Variants in ACACB observed in about 807,000 individuals in gnomAD.
ACACB encodes the protein acetyl-CoA carboxylase 2.
Under a neutral mutation model 278.8 loss-of-function variants are expected in ACACB, and 209 were observed. The observed-to-expected ratio is 0.75, with a 90% CI of 0.67 to 0.84. ACACB has a LOEUF of 0.84. Ranked by LOEUF, ACACB falls within the 40% of genes least tolerant of loss-of-function variation. ACACB has a pLI of 0.00. For missense variants in ACACB, 2,850 were observed against 3,269.0 expected, an observed-to-expected ratio of 0.87 and a Z score of 3.13; for synonymous variants, 1,174 against 1,285.6, an observed-to-expected ratio of 0.91 and a Z score of 1.86.
intron 15 of ACACB, 132 bp downstream of exon 15, chr12:109,192,082 C>G: frequency 1.1e-6 from 1 of 939,664 alleles, no homozygotes; most frequent in Non-Finnish European, 1.6e-6. Context: ...GGTCTTGCCT[C>G]TGGGAAATTC....
At chr12:109,257,737 G>A (rs912156573) in intron 45 of ACACB, among the ~76,000 whole-genome samples, 2 of 152,078 alleles carry the variant, frequency 1.3e-5, no homozygotes, top group African/African-American at 4.8e-5. Context: ...CACCTAGCCA[G>A]TTTTTTTATT....
chr12:109,151,843 G>T (rs2043383948), intron 2 of ACACB, among the ~76,000 whole-genome samples: 1 of 152,198 alleles, frequency 6.6e-6, no homozygotes, highest in African/African-American at 2.4e-5. Context: ...GTATAAAGGT[G>T]GTGTTGTGCT....
intron 34 of ACACB, among the ~76,000 whole-genome samples, chr12:109,238,085 A>G (rs1196850049): frequency 6.6e-6 from 1 of 151,084 alleles, no homozygotes; most frequent in African/African-American, 2.4e-5. Context: ...AATAAGACTG[A>G]AAACGATTTT....
chr12:109,239,738 C>T (rs2046739866), intron 34 of ACACB, 92 bp from the exon 35 acceptor site: 1 of 1,389,616 alleles, frequency 7.2e-7, no homozygotes, highest in African/African-American at 1.5e-5. Flanking sequence ...TGTTTTCCTC[C>T]TGTCTCTGCC....
intron 16 of ACACB, among the ~76,000 whole-genome samples, chr12:109,196,791 C>G (rs1218455347): frequency 2.0e-5 from 3 of 152,170 alleles, no homozygotes; most frequent in African/African-American, 7.2e-5. Flanking sequence ...ATTAGCCTAC[C>G]CACAGGGCAG....
chr12:109,210,325 A>G (rs142461472), intron 21 of ACACB, among the ~76,000 whole-genome samples: 6,514 of 33,928 alleles, frequency 0.19, 963 homozygotes, highest in East Asian at 0.32. Flanking sequence ...ATATCTGTGT[A>G]TATATGTATA....
intron 2 of ACACB, among the ~76,000 whole-genome samples, chr12:109,146,795 C>T (rs2043253770): frequency 6.6e-6 from 1 of 152,144 alleles, no homozygotes; most frequent in South Asian, 2.1e-4. Flanking sequence ...CCGTCTCAGC[C>T]TCCTGACTAG....
intron 47 of ACACB, 96 bp downstream of exon 47, chr12:109,259,204 C>T: frequency 1.4e-6 from 2 of 1,425,676 alleles, no homozygotes; most frequent in Non-Finnish European, 1.9e-6. Flanking sequence ...AGTCTGTGCC[C>T]ATCATCATCT....
At chr12:109,260,730 G>A in intron 48 of ACACB, 73 bp downstream of exon 48, 2 of 1,389,852 alleles carry the variant, frequency 1.4e-6, no homozygotes, top group Non-Finnish European at 1.9e-6. Flanking sequence ...GACCTTGGGA[G>A]ATCATGGAGG....
chr12:109,202,549 A>T (rs2045368225), intron 19 of ACACB, among the ~76,000 whole-genome samples: 1 of 152,244 alleles, frequency 6.6e-6, no homozygotes, highest in African/African-American at 2.4e-5. Context: ...TCCTGACCTC[A>T]GGTGATCCAC....
In ACACB at chr12:109,265,165, T is replaced by G. The variant is rs750013056; in HGVS notation, c.6998T>G (p.Leu2333Arg). The G allele has an allele frequency of 5.6e-6, 9 of 1,613,654 alleles. No homozygotes were observed. Among genetic ancestry groups the G allele is most frequent in the Middle Eastern group, 3.3e-4 (2 of 6,084 alleles). ...TTCCTGTATTGGCGTCTGCGCCGCC[T>G]CCTCCTGGAGGACCAGGTCAAGCAG... ...RTFLYWRLRRLLLEDQVKQEI... is the reference protein window; with the variant it reads ...RTFLYWRLRRRLLEDQVKQEI... Residue 2333 changes from leucine (L) to arginine (R), a missense_variant, in exon 51 of 53, where the codon CTC becomes CGC. Physicochemically the swap from Leu to Arg is moderately radical, Grantham distance 102 (BLOSUM62 -2). Coordinates refer to ENST00000338432, the MANE Select transcript of ACACB (RefSeq NM_001093.4).
At chr12:109,125,342 A>C (rs1041101826) in intron 1 of ACACB, 1 of 152,220 alleles carries the variant, frequency 6.6e-6, no homozygotes, top group Non-Finnish European at 1.5e-5. Context: ...ATCTCAGCTC[A>C]TCATGTACAT....
At chr12:109,172,060 T>G in intron 5 of ACACB, 146 bp downstream of exon 5, 2 of 799,958 alleles carry the variant, frequency 2.5e-6, no homozygotes, top group Admixed American at 5.1e-5. Context: ...CAGAAAAGAG[T>G]GTTCAAGTGA....
intron 33 of ACACB, 108 bp from the exon 34 acceptor site, chr12:109,237,057 C>CA (rs2136638325): frequency 9.0e-7 from 1 of 1,110,922 alleles, no homozygotes; most frequent in Non-Finnish European, 1.4e-6. Flanking sequence ...GTGCCAAACC[C>CA]ATGGACACCA....
intron 1 of ACACB, among the ~76,000 whole-genome samples, chr12:109,137,437 A>G (rs534123201): frequency 3.3e-5 from 5 of 152,238 alleles, no homozygotes; most frequent in African/African-American, 1.2e-4. Flanking sequence ...AGGTGGGCGG[A>G]TCACTTGAGG....
At position 109,209,149 on chromosome 12, in the gene ACACB, G is replaced by A; in HGVS notation, c.3061-16G>A. The A allele has an allele frequency of 6.3e-7, 1 of 1,579,808 alleles. No homozygotes were observed. Among genetic ancestry groups the A allele is most frequent in the Non-Finnish European group, 8.6e-7 (1 of 1,162,842 alleles). ...CCATGCAGGGCTGGGGGCTGATGCT[G>A]TGGTCCCCGCTTCAGCTGAAGGAGT... On this transcript the variant is annotated splice_polypyrimidine_tract_variant and intron_variant, in intron 20 of 52. Coordinates refer to ENST00000338432, the MANE Select transcript of ACACB (RefSeq NM_001093.4).
chr12:109,168,039 C>CT lies in ACACB; in HGVS notation c.925+6dup, dbSNP rs764952631. 3.1e-6 allele frequency: 5 copies of CT among 1,602,164 alleles called. No individual in the cohort carries two copies. The African/African-American group carries it at 6.7e-5, about 21-fold the overall frequency. On this transcript the variant is annotated splice_donor_region_variant and intron_variant, in intron 4 of 52. Transcript: ENST00000338432. The stretch of plus-strand genomic sequence containing the variant: ...AGGACCTTAAGGCCAACGCAGGTAC[C>CT]TGGGCCTTGACCCTCTCCTCCCATC...
chr12:109,172,242 A>C, intron 5 of ACACB, 33 bp from the exon 6 acceptor site: 1 of 1,606,712 alleles, frequency 6.2e-7, no homozygotes, highest in Non-Finnish European at 8.5e-7. Flanking sequence ...TTCTTGAAGG[A>C]AGATTGTTGC....
chr12:109,241,833 C>A, intron 36 of ACACB: 1 of 160,640 alleles, frequency 6.2e-6, no homozygotes, highest in Non-Finnish European at 1.4e-5. Context: ...CATATATATA[C>A]ACGCCATTTT....
Sources: allele counts gnomAD v4.1 joint callset (sites outside exome capture counted in the v4.1 genomes callset), GRCh38; gene constraint gnomAD v4.1.1; transcripts MANE v1.5; gene names NCBI Gene and HGNC (gene_info 2026-07-23, HGNC 2026-07-21).